Variants in UBE3C observed in about 807,000 individuals in gnomAD.
UBE3C encodes the protein ubiquitin-protein ligase E3C.
UBE3C carries 42 observed loss-of-function variants against 129.4 expected under a neutral mutation model. That is an observed-to-expected ratio of 0.32 (90% CI 0.25 to 0.42). The LOEUF is 0.42. UBE3C is among the 10% of genes least tolerant of loss of function. The probability of loss-of-function intolerance (pLI) is 1.00; values close to 1 mark genes in which losing one functional copy is unlikely to be tolerated. For synonymous variants in UBE3C, 510 were observed against 492.4 expected, an observed-to-expected ratio of 1.04 and a Z score of -0.47; for missense variants, 1,049 against 1,319.1, an observed-to-expected ratio of 0.80 and a Z score of 3.17.
In UBE3C at chr7:157,186,742, C is replaced by T. The variant is rs533094375; in HGVS notation, c.1144-92C>T. 27 of 1,460,098 alleles carry T rather than the reference C, an allele frequency of 1.8e-5. No homozygotes were observed. In the East Asian group the frequency reaches 2.5e-4, roughly 14 times the overall value. 90.4% of individuals were successfully genotyped at this position (1,460,098 alleles called of 1,614,324 possible). A position where few individuals can be genotyped will look rare whatever the true frequency, so the allele number is the denominator to read the frequency against. On this transcript the variant is annotated intron_variant, in intron 9 of 22. Coordinates refer to ENST00000348165, the MANE Select transcript of UBE3C (RefSeq NM_014671.3). ...GAGATGATGCCTAGCTTTCTTTGCC[C>T]GAAGAAAAATGTGATTTCGTATATG...
rs1354007664 is a variant in UBE3C, at chr7:157,216,883, T to C, written c.1826T>C (p.Val609Ala). The C allele has an allele frequency of 3.1e-6, 5 of 1,613,890 alleles. No homozygotes were observed. The highest frequency in any genetic ancestry group is 4.2e-6 in the Non-Finnish European group (5 of 1,179,920). Residue 609 changes from valine to alanine, a missense_variant, in exon 14 of 23, where the codon GTG becomes GCG. By Grantham distance (64) the Val-to-Ala change is moderately conservative. Coordinates refer to ENST00000348165, the MANE Select transcript of UBE3C (RefSeq NM_014671.3). ...IQLFKVITNL[V>A]KMLKSRDTRR... ...TCTTTTCAGGTTATCACCAATCTAG[T>C]GAAAATGTTGAAGTCCAGAGACACG...
At chr7:157,161,394 T>C (rs1808066279) in intron 1 of UBE3C, among the ~76,000 whole-genome samples, 2 of 152,046 alleles carry the variant, frequency 1.3e-5, no homozygotes, top group African/African-American at 4.8e-5. Context: ...GTGATGAAGG[T>C]TTTTTATGTG....
intron 16 of UBE3C, among the ~76,000 whole-genome samples, chr7:157,225,001 AG>A (rs1311859372): frequency 6.6e-6 from 1 of 152,072 alleles, no homozygotes; most frequent in African/African-American, 2.4e-5. Context: ...TTCTATCGCA[AG>A]GGGTTTAAAT....
chr7:157,188,577 A>G (rs767995291), intron 10 of UBE3C, among the ~76,000 whole-genome samples: 3 of 152,234 alleles, frequency 2.0e-5, no homozygotes, highest in Non-Finnish European at 2.9e-5. Context: ...CTGGATTTCA[A>G]TGCATCACTG....
intron 10 of UBE3C, among the ~76,000 whole-genome samples, chr7:157,191,612 T>G (rs1035346009): frequency 8.5e-5 from 13 of 152,232 alleles, no homozygotes; most frequent in African/African-American, 2.2e-4. Flanking sequence ...GTGTGTTTTC[T>G]AACCATTTCT....
At chr7:157,195,390 G>A (rs1443534720) in intron 10 of UBE3C, among the ~76,000 whole-genome samples, 2 of 152,176 alleles carry the variant, frequency 1.3e-5, no homozygotes, top group Non-Finnish European at 2.9e-5. Flanking sequence ...CTGCAAACAT[G>A]TGCTACCTTT....
At position 157,187,021 on chromosome 7, in the gene UBE3C, G is replaced by C; in HGVS notation, c.1331G>C (p.Arg444Thr). Reference protein sequence around the residue: ...VQHRMMVPKVRLLYSLAFNAR... With the variant: ...VQHRMMVPKVTLLYSLAFNAR... Reference sequence around the variant, plus strand: ...CACCGCATGATGGTACCCAAAGTCAGGCAAGTGTCCGTGGGCGTCTGTGCC... The same window carrying C: ...CACCGCATGATGGTACCCAAAGTCACGCAAGTGTCCGTGGGCGTCTGTGCC... Residue 444 changes from arginine to threonine, a missense_variant and splice_region_variant, in exon 10 of 23, where the codon AGG (arginine) becomes ACG (threonine). Physicochemically the swap from Arg to Thr is moderately conservative, Grantham distance 71. Around this residue, in one of 4 missense-constraint regions of UBE3C, gnomAD observed 314 missense variants for 416.9 expected, o/e 0.75. Transcript: ENST00000348165. 6.3e-7 allele frequency: 1 copy of C among 1,598,560 alleles called. No individual in the cohort carries two copies. Among genetic ancestry groups the C allele is most frequent in the Non-Finnish European group, 8.5e-7 (1 of 1,172,224 alleles).
At chr7:157,226,689 A>T (rs1286254849) in intron 17 of UBE3C, among the ~76,000 whole-genome samples, 1 of 151,758 alleles carries the variant, frequency 6.6e-6, no homozygotes, top group Non-Finnish European at 1.5e-5. Flanking sequence ...AGGAAAGCTG[A>T]CATCAGTTGT....
chr7:157,169,355 A>G (rs1479758797), intron 3 of UBE3C, among the ~76,000 whole-genome samples: 1 of 151,724 alleles, frequency 6.6e-6, no homozygotes, highest in Non-Finnish European at 1.5e-5. Flanking sequence ...TCAAAATAGA[A>G]GGAAGTCATG....
At chr7:157,166,031 A>G (rs552983402) in intron 2 of UBE3C, among the ~76,000 whole-genome samples, 1 of 152,334 alleles carries the variant, frequency 6.6e-6, no homozygotes, top group East Asian at 1.9e-4. Flanking sequence ...GTAGGTGTCT[A>G]AATCTCTTGT....
At chr7:157,220,110 C>G (rs541853912) in intron 14 of UBE3C, among the ~76,000 whole-genome samples, 1 of 152,086 alleles carries the variant, frequency 6.6e-6, no homozygotes, top group Non-Finnish European at 1.5e-5. Context: ...ACTCAGGAGG[C>G]TGAGGTGGGA....
chr7:157,196,950 C>T (rs1416843242), intron 10 of UBE3C, among the ~76,000 whole-genome samples: 3 of 152,102 alleles, frequency 2.0e-5, no homozygotes, highest in African/African-American at 7.2e-5. Context: ...GGCTGGGCAA[C>T]AAGAGCAAAA....
chr7:157,139,937 A>G (rs914548487), intron 1 of UBE3C: 7 of 965,750 alleles, frequency 7.2e-6, no homozygotes, highest in Admixed American at 6.2e-5. Flanking sequence ...GACGAGGGCA[A>G]TTATTTGCCA....
At chr7:157,189,145 G>GTGAA (rs1808886002) in intron 10 of UBE3C, 1 of 399,626 alleles carries the variant, frequency 2.5e-6, no homozygotes, top group Admixed American at 4.3e-5. Flanking sequence ...ACTCATGAAA[G>GTGAA]TGAACACTCG....
chr7:157,235,508 CCT>C (rs1329036306), intron 18 of UBE3C, among the ~76,000 whole-genome samples: 1 of 152,144 alleles, frequency 6.6e-6, no homozygotes, highest in Non-Finnish European at 1.5e-5. Context: ...ACTCATTTCT[CCT>C]CTGTTTATTG....
Position 157,182,917 on chromosome 7 carries a change from T to C in UBE3C, c.991+589T>C, listed in dbSNP as rs190461742. Among the ~76,000 whole-genome samples, 531 of 152,106 alleles carry C rather than the reference T, an allele frequency of 3.5e-3. 5 individuals are homozygous for C. Among genetic ancestry groups the C allele is most frequent in the African/African-American group, 0.012 (505 of 41,492 alleles). ...GTGCACGCCACCACACCCAGCTAAT[T>C]TTTGTATTTTTAGTAGAGACGGGGT... On this transcript the variant is annotated intron_variant, in intron 8 of 22. Coordinates refer to ENST00000348165, the MANE Select transcript of UBE3C (RefSeq NM_014671.3).
At position 157,163,843 on chromosome 7, in the gene UBE3C, G is replaced by T; in HGVS notation, c.100G>T (p.Glu34Ter). ...EKASLLHRTQEERRKREEERR... is the reference protein window; with the variant it reads ...EKASLLHRTQ ...GGCTTCTCTTTTACATCGTACTCAG[G>T]AAGAAAGAAGAAAGAGAGAGGTAAA... Residue 34 changes from glutamate (E) to a stop codon, truncating the protein, a stop_gained, in exon 2 of 23, where the codon GAA (glutamate) becomes TAA (stop). Coordinates refer to ENST00000348165, the MANE Select transcript of UBE3C (RefSeq NM_014671.3). LOFTEE classifies it high-confidence loss of function. The T allele has an allele frequency of 6.2e-7, 1 of 1,613,468 alleles. No individual in the cohort carries two copies. Among genetic ancestry groups the T allele is most frequent in the Non-Finnish European group, 8.5e-7 (1 of 1,179,682 alleles).
intron 1 of UBE3C, among the ~76,000 whole-genome samples, chr7:157,153,657 C>T (rs537130877): frequency 6.6e-6 from 1 of 152,206 alleles, no homozygotes; most frequent in East Asian, 1.9e-4. Context: ...ACGAATCTTC[C>T]TTGCTCTAAG....
At chr7:157,257,708 C>T (rs1796787383) in intron 22 of UBE3C, among the ~76,000 whole-genome samples, 1 of 137,166 alleles carries the variant, frequency 7.3e-6, no homozygotes, top group Admixed American at 7.9e-5. Context: ...CTGCACTGCA[C>T]TCCAGCCTGG....
Sources: allele counts gnomAD v4.1 joint callset (sites outside exome capture counted in the v4.1 genomes callset), GRCh38; gene constraint gnomAD v4.1.1; regional missense constraint gnomAD v4.1.1; transcripts MANE v1.5; gene names NCBI Gene and HGNC (gene_info 2026-07-23, HGNC 2026-07-21).